Variants in PTPRM observed in about 807,000 individuals in gnomAD.
PTPRM encodes the protein protein tyrosine phosphatase receptor type M, also known as receptor-type tyrosine-protein phosphatase mu.
Under a neutral mutation model 186.7 loss-of-function variants are expected in PTPRM, and 47 were observed. The ratio of observed to expected loss-of-function variants is 0.25; its 90% CI spans 0.20 to 0.32. PTPRM has a LOEUF of 0.32. Among genes scored for constraint, PTPRM ranks in the 10% least tolerant of loss-of-function variants. The probability of loss-of-function intolerance (pLI) is 1.00; values close to 1 mark genes in which losing one functional copy is unlikely to be tolerated. For synonymous variants in PTPRM, 668 were observed against 674.9 expected, an observed-to-expected ratio of 0.99 and a Z score of 0.16; for missense variants, 1,494 against 1,865.0, an observed-to-expected ratio of 0.80 and a Z score of 3.66.
At chr18:8,184,253 G>A (rs1164536397) in intron 14 of PTPRM, among the ~76,000 whole-genome samples, 5 of 152,246 alleles carry the variant, frequency 3.3e-5, no homozygotes, top group Non-Finnish European at 2.9e-5. Context: ...TCTGGAGCAC[G>A]AATAAATCTG....
At chr18:7,576,637 G>A (rs932153704) in intron 1 of PTPRM, among the ~76,000 whole-genome samples, 13 of 152,020 alleles carry the variant, frequency 8.6e-5, no homozygotes, top group African/African-American at 3.1e-4. Flanking sequence ...CACCATGCAC[G>A]GCTAATTAAA....
At chr18:7,912,233 A>G (rs1211536391) in intron 4 of PTPRM, among the ~76,000 whole-genome samples, 1 of 152,154 alleles carries the variant, frequency 6.6e-6, no homozygotes, top group Non-Finnish European at 1.5e-5. Context: ...GTGAAAATTC[A>G]TTCTTTTGCA....
At chr18:7,591,705 GTA>G (rs1306120164) in intron 1 of PTPRM, among the ~76,000 whole-genome samples, 4 of 152,174 alleles carry the variant, frequency 2.6e-5, no homozygotes, top group Admixed American at 6.5e-5. Context: ...CAGGCTACAG[GTA>G]TTCTGTGCTT....
intron 3 of PTPRM, among the ~76,000 whole-genome samples, chr18:7,895,733 C>G (rs1056677595): frequency 6.6e-6 from 1 of 152,194 alleles, no homozygotes; most frequent in Non-Finnish European, 1.5e-5. Flanking sequence ...AGCATCTGAA[C>G]TCTGCAATTG....
intron 1 of PTPRM, among the ~76,000 whole-genome samples, chr18:7,736,429 C>T (rs1039340925): frequency 6.6e-6 from 1 of 152,172 alleles, no homozygotes; most frequent in Non-Finnish European, 1.5e-5. Context: ...AAGCAATTCT[C>T]CTGCCTCAGC....
chr18:7,766,042 G>A (rs941669885), intron 1 of PTPRM, among the ~76,000 whole-genome samples: 3 of 152,208 alleles, frequency 2.0e-5, no homozygotes, highest in African/African-American at 7.2e-5. Context: ...CTTAGAAACA[G>A]CACTTTCGAG....
At chr18:8,279,803 C>T (rs1438109385) in intron 19 of PTPRM, among the ~76,000 whole-genome samples, 1 of 152,184 alleles carries the variant, frequency 6.6e-6, no homozygotes, top group East Asian at 1.9e-4. Context: ...AGTTTGCAGT[C>T]TCCTGGCCCT....
intron 14 of PTPRM, among the ~76,000 whole-genome samples, chr18:8,240,580 GTT>G (rs1421133639): frequency 1.6e-5 from 2 of 128,818 alleles, no homozygotes; most frequent in East Asian, 5.4e-4. Flanking sequence ...GAAATTGAAA[GTT>G]TGTGGCAACC....
chr18:7,972,953 C>T (rs2147328792), intron 7 of PTPRM, among the ~76,000 whole-genome samples: 1 of 152,222 alleles, frequency 6.6e-6, no homozygotes, highest in African/African-American at 2.4e-5. Flanking sequence ...TTATATTGTA[C>T]ATGTTATTCA....
intron 14 of PTPRM, among the ~76,000 whole-genome samples, chr18:8,236,493 TAGTTG>T (rs1387479979): frequency 1.3e-5 from 2 of 152,152 alleles, no homozygotes; most frequent in Non-Finnish European, 2.9e-5. Flanking sequence ...AGATCATATG[TAGTTG>T]AGTTGTGTGT....
intron 1 of PTPRM, among the ~76,000 whole-genome samples, chr18:7,726,233 C>CAAATG (rs1419152875): frequency 6.6e-6 from 1 of 152,152 alleles, no homozygotes; most frequent in Non-Finnish European, 1.5e-5. Flanking sequence ...TTACATTTCT[C>CAAATG]TAACGACTAA....
At chr18:8,020,632 A>T (rs2085155958) in intron 7 of PTPRM, among the ~76,000 whole-genome samples, 1 of 152,134 alleles carries the variant, frequency 6.6e-6, no homozygotes, top group East Asian at 1.9e-4. Context: ...CAGCTGCCTC[A>T]CTTCCTGGTC....
At chr18:7,684,574 T>A (rs2144598435) in intron 1 of PTPRM, among the ~76,000 whole-genome samples, 1 of 152,330 alleles carries the variant, frequency 6.6e-6, no homozygotes, top group South Asian at 2.1e-4. Flanking sequence ...TTTTAGATGC[T>A]TTGTATAAAT....
intron 1 of PTPRM, among the ~76,000 whole-genome samples, chr18:7,613,400 C>T (rs966956356): frequency 6.6e-5 from 10 of 152,104 alleles, no homozygotes; most frequent in Non-Finnish European, 5.9e-5. Context: ...ACCGGCCAGG[C>T]GCGGTGGCTC....
intron 7 of PTPRM, among the ~76,000 whole-genome samples, chr18:7,970,643 C>G (rs1385555294): frequency 1.0e-5 from 1 of 95,360 alleles, no homozygotes; most frequent in Non-Finnish European, 2.0e-5. Flanking sequence ...ACAAAAATCA[C>G]AATCATTCTT....
chr18:7,832,497 C>G (rs1354676306), intron 2 of PTPRM, among the ~76,000 whole-genome samples: 6 of 151,900 alleles, frequency 3.9e-5, no homozygotes, highest in African/African-American at 1.2e-4. Flanking sequence ...GTTGTTTGCA[C>G]TTCTTATATA....
At chr18:7,749,329 A>G (rs963632507) in intron 1 of PTPRM, 4 of 152,192 alleles carry the variant, frequency 2.6e-5, no homozygotes, top group South Asian at 2.1e-4. Context: ...AGTTAAAAAA[A>G]AAAACAACAA....
chr18:7,814,676 G>T (rs190384262), intron 2 of PTPRM: 2 of 152,198 alleles, frequency 1.3e-5, no homozygotes, highest in Non-Finnish European at 2.9e-5. Flanking sequence ...AGAAACTGGG[G>T]AGTGGCCCCA....
At chr18:7,691,832 G>T (rs1316405549) in intron 1 of PTPRM, among the ~76,000 whole-genome samples, 2 of 151,910 alleles carry the variant, frequency 1.3e-5, no homozygotes, top group Admixed American at 6.6e-5. Context: ...CTACTCAGGC[G>T]GCTGAGGTGG....
Sources: allele counts gnomAD v4.1 joint callset (sites outside exome capture counted in the v4.1 genomes callset), GRCh38; gene constraint gnomAD v4.1.1; transcripts MANE v1.5; gene names NCBI Gene and HGNC (gene_info 2026-07-23, HGNC 2026-07-21).